BRCA2: variants seen among roughly 807,000 people sequenced by gnomAD.
BRCA2 encodes the protein BRCA2 DNA repair associated.
In BRCA2, 203 loss-of-function variants were observed where a neutral mutation model predicts 276.7. The ratio of observed to expected loss-of-function variants is 0.73; its 90% CI spans 0.65 to 0.82. BRCA2 has a LOEUF of 0.82. BRCA2 is among the 40% of genes least tolerant of loss of function. BRCA2 has a pLI of 0.00. For missense variants in BRCA2, 3,920 were observed against 3,915.0 expected, an observed-to-expected ratio of 1.00 and a Z score of -0.03; for synonymous variants, 1,289 against 1,338.4, an observed-to-expected ratio of 0.96 and a Z score of 0.81.
rs767708749 is a variant in BRCA2, at chr13:32,332,559, A to G, written c.1081A>G (p.Asn361Asp). 2 of 1,612,716 alleles carry G rather than the reference A, an allele frequency of 1.2e-6. No homozygotes were observed. Among genetic ancestry groups the G allele is most frequent in the Non-Finnish European group, 8.5e-7 (1 of 1,179,574 alleles). The change falls in exon 10 of 27, where the codon AAT becomes GAT. Residue 361 changes from asparagine to aspartate, a missense_variant. Asn to Asp is a conservative substitution (Grantham distance 23). Around this residue, in one of 2 missense-constraint regions of BRCA2, gnomAD observed 3,263 missense variants for 3,156.9 expected, o/e 1.03. Coordinates refer to ENST00000380152, the MANE Select transcript of BRCA2 (RefSeq NM_000059.4). Reference sequence around the variant, plus strand: ...CTCATTTGTATCTGAAGTGGAACCAAATGATACTGATCCATTAGATTCAAA... The same window carrying G: ...CTCATTTGTATCTGAAGTGGAACCAGATGATACTGATCCATTAGATTCAAA... ...KYSFVSEVEP[N>D]DTDPLDSNVA... is the part of the protein sequence containing the mutation.
At chr13:32,391,515 C>T (rs1190484241) in intron 24 of BRCA2, among the ~76,000 whole-genome samples, 2 of 152,206 alleles carry the variant, frequency 1.3e-5, no homozygotes, top group African/African-American at 4.8e-5. Context: ...ATAGCTAGCT[C>T]TCCCCAGAAG....
chr13:32,368,810 G>GTT (rs796341976), intron 18 of BRCA2, among the ~76,000 whole-genome samples: 5,839 of 138,938 alleles, frequency 0.042, 194 homozygotes, highest in South Asian at 0.13. Flanking sequence ...TTTTTTTTTG[G>GTT]TTTTTTTTGT....
chr13:32,316,585 ATGCT>A, intron 2 of BRCA2, 58 bp downstream of exon 2: 1 of 1,494,478 alleles, frequency 6.7e-7, no homozygotes. Context: ...TTTCTAAAAA[ATGCT>A]TGCTAAAAAC....
At chr13:32,351,126 C>T (rs2072647087) in intron 13 of BRCA2, among the ~76,000 whole-genome samples, 1 of 152,216 alleles carries the variant, frequency 6.6e-6, no homozygotes, top group African/African-American at 2.4e-5. Flanking sequence ...CGCTCGGCTC[C>T]ACTTCCATGC....
At chr13:32,362,442 G>A (rs1419732068) in intron 16 of BRCA2, 81 bp from the exon 17 acceptor site, 26 of 1,342,682 alleles carry the variant, frequency 1.9e-5, no homozygotes, top group South Asian at 1.1e-4. Context: ...TGTAGTTTTT[G>A]TACAGAGAAT....
rs587780554 is a variant in BRCA2 at position 32,330,941 on chromosome 13, A to G, written c.704A>G (p.Asn235Ser). 1 of 1,612,150 alleles carries G rather than the reference A, an allele frequency of 6.2e-7. No individual in the cohort carries two copies. Among genetic ancestry groups the G allele is most frequent in the Non-Finnish European group, 8.5e-7 (1 of 1,178,482 alleles). ...CAGAATGTGAAAAGCTATTTTTCCA[A>G]TCATGATGAAAGTCTGAAGAAAAAT... Reference protein sequence around the residue: ...TTANVKSYFSNHDESLKKNDR... With the variant: ...TTANVKSYFSSHDESLKKNDR... The change falls in exon 9 of 27, where the codon AAT (asparagine) becomes AGT (serine). Residue 235 changes from asparagine to serine, a missense_variant. Physicochemically the swap from Asn to Ser is conservative, Grantham distance 46. This residue lies in a region of BRCA2 where 3,263 missense variants were observed against 3,156.9 expected (regional missense o/e 1.03). Transcript: ENST00000380152.
rs2137531176 is a variant in BRCA2 at position 32,341,213 on chromosome 13, A to G, written c.6841+17A>G. On this transcript the variant is annotated intron_variant, in intron 11 of 26. Transcript: ENST00000380152. ...TCTTAGTGGGTAAGTGTTCATTTTTACCTTTCGTGTTGCCAATCACTATTT... is the reference window on the plus strand; with the variant it reads ...TCTTAGTGGGTAAGTGTTCATTTTTGCCTTTCGTGTTGCCAATCACTATTT... 1 of 1,613,720 alleles carries G rather than the reference A, an allele frequency of 6.2e-7. No individual in the cohort carries two copies. The highest frequency in any genetic ancestry group is 8.5e-7 in the Non-Finnish European group (1 of 1,179,874).
chr13:32,375,368 C>A (rs1268439006), intron 20 of BRCA2: 4 of 452,246 alleles, frequency 8.8e-6, no homozygotes, highest in Admixed American at 7.1e-5. Context: ...AAGTCTTGAA[C>A]CCCCCAAAGT....
intron 24 of BRCA2, among the ~76,000 whole-genome samples, chr13:32,388,851 C>G (rs1013323491): frequency 6.6e-6 from 1 of 152,128 alleles, no homozygotes; most frequent in African/African-American, 2.4e-5. Context: ...TTTATCCACT[C>G]TTTCAATCTC....
In BRCA2 at chr13:32,340,688, G is replaced by A; in HGVS notation, c.6333G>A (p.Lys2111=). 1 of 1,608,604 alleles carries A rather than the reference G, an allele frequency of 6.2e-7. No homozygotes were observed. The highest frequency in any genetic ancestry group is 8.5e-7 in the Non-Finnish European group (1 of 1,178,766). Residue 2111 remains lysine (K), a synonymous_variant, in exon 11 of 27, where the codon AAG becomes AAA. Coordinates refer to ENST00000380152, the MANE Select transcript of BRCA2 (RefSeq NM_000059.4). ...CAAAAATACTTCCTCGTGTTGATAA[G>A]AGAAACCCAGAGCACTGTGTAAACT... ...NVSKILPRVD[K]RNPEHCVNSE...
intron 24 of BRCA2, among the ~76,000 whole-genome samples, chr13:32,388,286 T>C (rs1200020951): frequency 2.0e-5 from 3 of 152,036 alleles, no homozygotes; most frequent in Non-Finnish European, 4.4e-5. Flanking sequence ...ACACGGCTAA[T>C]TTTTTGTATT....
Position 32,329,479 on chromosome 13 carries a change from A to G in BRCA2, c.668A>G (p.His223Arg), listed in dbSNP as rs761789188. ...NEEASETVFP[H>R]DTTANVKSYF... is the part of the protein sequence containing the mutation. The stretch of plus-strand genomic sequence containing the variant: ...GAAGCATCTGAAACTGTATTTCCTC[A>G]TGATACTACTGCTGTAAGTAAATAT... The change falls in exon 8 of 27, where the codon CAT becomes CGT. Residue 223 changes from histidine (H) to arginine (R), a missense_variant. This residue lies in a region of BRCA2 where 3,263 missense variants were observed against 3,156.9 expected (regional missense o/e 1.03). Coordinates refer to ENST00000380152, the MANE Select transcript of BRCA2 (RefSeq NM_000059.4). 6.3e-7 allele frequency: 1 copy of G among 1,597,526 alleles called. No individual in the cohort carries two copies. The highest frequency in any genetic ancestry group is 8.6e-7 in the Non-Finnish European group (1 of 1,166,790).
chr13:32,397,067 A>T, intron 26 of BRCA2, 23 bp downstream of exon 26: 1 of 1,608,568 alleles, frequency 6.2e-7, no homozygotes. Context: ...AAACTCAAGG[A>T]ATATTATAAG....
Position 32,379,788 on chromosome 13 carries a change from T to C in BRCA2, c.8992T>C (p.Ser2998Pro). Residue 2998 changes from serine to proline, a missense_variant, in exon 23 of 27, where the codon TCT (serine) becomes CCT (proline). Around this residue, in one of 2 missense-constraint regions of BRCA2, gnomAD observed 657 missense variants for 758.2 expected, o/e 0.87. Transcript: ENST00000380152. ...TTGGCGTCCATCATCAGATTTATATTCTCTGTTAACAGAAGGAAAGAGATA... is the reference window on the plus strand; with the variant it reads ...TTGGCGTCCATCATCAGATTTATATCCTCTGTTAACAGAAGGAAAGAGATA... ...SIWRPSSDLY[S>P]LLTEGKRYRI... 6.2e-7 allele frequency: 1 copy of C among 1,612,784 alleles called. No homozygotes were observed.
chr13:32,394,514 G>A (rs2137650957), intron 24 of BRCA2, among the ~76,000 whole-genome samples, 175 bp from the exon 25 acceptor site: 1 of 152,278 alleles, frequency 6.6e-6, no homozygotes, highest in South Asian at 2.1e-4. Context: ...TTTTAGCACT[G>A]TAAGCAACAG....
chr13:32,359,458 T>C (rs1460280179), intron 16 of BRCA2, among the ~76,000 whole-genome samples: 1 of 152,154 alleles, frequency 6.6e-6, no homozygotes, highest in Admixed American at 6.5e-5. Flanking sequence ...CTTTTTATTG[T>C]AGTTTTTACA....
intron 21 of BRCA2, among the ~76,000 whole-genome samples, chr13:32,377,506 C>T (rs1181883205): frequency 6.6e-6 from 1 of 150,490 alleles, no homozygotes; most frequent in African/African-American, 2.5e-5. Context: ...AGGAGAATCG[C>T]TTGAATCCAG....
In BRCA2 at chr13:32,333,969, A is replaced by G. The variant is rs206074; in HGVS notation, c.1909+582A>G. On this transcript the variant is annotated intron_variant, in intron 10 of 26. Coordinates refer to ENST00000380152, the MANE Select transcript of BRCA2 (RefSeq NM_000059.4). ...CGTGATCTTGTTCCTTTTTATGGCTACATGGTATTCCATGGTGTATAGTTC... is the reference window on the plus strand; with the variant it reads ...CGTGATCTTGTTCCTTTTTATGGCTGCATGGTATTCCATGGTGTATAGTTC... Among the ~76,000 whole-genome samples the G allele has an allele frequency of 0.98, 149,055 of 152,320 alleles. 73,014 individuals carry two copies. Among genetic ancestry groups the G allele is most frequent in the East Asian group, 1 (5,187 of 5,188 alleles).
In BRCA2 at chr13:32,339,689, T is replaced by C. The variant is rs1566232224; in HGVS notation, c.5334T>C (p.Asn1778=). 6.2e-7 allele frequency: 1 copy of C among 1,612,782 alleles called. No homozygotes were observed. Among genetic ancestry groups the C allele is most frequent in the Non-Finnish European group, 8.5e-7 (1 of 1,178,922 alleles). Residue 1778 remains asparagine, a synonymous_variant, in exon 11 of 27, where the codon AAT becomes AAC. Transcript: ENST00000380152. ...LDSGIEPVLK[N]VEDQKNTSFS... is the part of the protein sequence containing the mutation. ...CTGGTATTGAGCCAGTATTGAAGAATGTTGAAGATCAAAAAAACACTAGTT... is the reference window on the plus strand; with the variant it reads ...CTGGTATTGAGCCAGTATTGAAGAACGTTGAAGATCAAAAAAACACTAGTT...
Sources: allele counts gnomAD v4.1 joint callset (sites outside exome capture counted in the v4.1 genomes callset), GRCh38; gene constraint gnomAD v4.1.1; regional missense constraint gnomAD v4.1.1; transcripts MANE v1.5; gene names NCBI Gene and HGNC (gene_info 2026-07-23, HGNC 2026-07-21).